Variants in SYN3 observed in about 807,000 individuals in gnomAD.
SYN3 encodes the protein synapsin III.
A neutral mutation model predicts 65.8 loss-of-function variants in SYN3; 35 were observed. That is an observed-to-expected ratio of 0.53 (90% CI 0.41 to 0.70). The LOEUF is 0.70. Among genes scored for constraint, SYN3 ranks in the 30% least tolerant of loss-of-function variants. The pLI is 0.00. For missense variants in SYN3, 680 were observed against 749.0 expected, an observed-to-expected ratio of 0.91 and a Z score of 1.08; for synonymous variants, 270 against 292.9, an observed-to-expected ratio of 0.92 and a Z score of 0.80.
intron 12 of SYN3, among the ~76,000 whole-genome samples, chr22:32,520,137 G>A (rs2057853253): frequency 6.6e-6 from 1 of 152,100 alleles, no homozygotes; most frequent in Non-Finnish European, 1.5e-5. Flanking sequence ...ATATAGGTAT[G>A]TATGTATATA....
chr22:32,639,199 C>T (rs1299223245), intron 6 of SYN3, among the ~76,000 whole-genome samples: 7 of 152,114 alleles, frequency 4.6e-5, no homozygotes, highest in African/African-American at 1.2e-4. Flanking sequence ...CTGATCCACC[C>T]GCCTCGGCCT....
intron 6 of SYN3, among the ~76,000 whole-genome samples, chr22:32,664,059 T>G (rs2060255729): frequency 6.6e-6 from 1 of 152,210 alleles, no homozygotes; most frequent in African/African-American, 2.4e-5. Context: ...CAGAGAACCC[T>G]GCTCTGCTCA....
chr22:32,728,945 G>A (rs532449268), intron 6 of SYN3, among the ~76,000 whole-genome samples: 2 of 152,330 alleles, frequency 1.3e-5, no homozygotes, highest in South Asian at 2.1e-4. Flanking sequence ...GGAAAGCAAT[G>A]TCTGTCTGCA....
chr22:32,818,416 G>A (rs1236082897), intron 6 of SYN3, among the ~76,000 whole-genome samples: 1 of 152,130 alleles, frequency 6.6e-6, no homozygotes, highest in Non-Finnish European at 1.5e-5. Context: ...TCCAGAAAAT[G>A]GGACCCCAGG....
At chr22:32,807,348 AATATATAATATATAATATATATT>A (rs2046774767) in intron 6 of SYN3, among the ~76,000 whole-genome samples, 1 of 33,424 alleles carries the variant, frequency 3.0e-5, no homozygotes, top group Admixed American at 5.2e-4. Flanking sequence ...ATAATATATA[AATATATAATATATAATATATATT>A]ATATATAATA....
At chr22:33,050,784 A>G (rs2054152668) in intron 1 of SYN3, among the ~76,000 whole-genome samples, 1 of 152,156 alleles carries the variant, frequency 6.6e-6, no homozygotes, top group South Asian at 2.1e-4. Flanking sequence ...CAGCCCTGCC[A>G]CTGAGCAAGT....
intron 6 of SYN3, among the ~76,000 whole-genome samples, chr22:32,661,777 A>G (rs1040016567): frequency 3.9e-4 from 60 of 152,164 alleles, no homozygotes; most frequent in African/African-American, 1.4e-3. Context: ...GATCTGGGAG[A>G]AAACTTAGAG....
intron 3 of SYN3, among the ~76,000 whole-genome samples, chr22:32,940,559 C>G (rs956311942): frequency 2.0e-5 from 3 of 151,906 alleles, no homozygotes; most frequent in Admixed American, 2.0e-4. Flanking sequence ...GAGGTAGGAC[C>G]GAAGGTTCAA....
At chr22:33,001,077 C>G (rs1311036126) in intron 2 of SYN3, among the ~76,000 whole-genome samples, 1 of 152,148 alleles carries the variant, frequency 6.6e-6, no homozygotes, top group Admixed American at 6.6e-5. Flanking sequence ...AAGTCTCTGT[C>G]ACAAACATCT....
chr22:33,057,396 C>T (rs561308662), intron 1 of SYN3: 2 of 152,374 alleles, frequency 1.3e-5, no homozygotes, highest in East Asian at 3.9e-4. Context: ...ATCTGATGTG[C>T]TAGGTCAGGA....
chr22:32,812,624 G>A (rs1317311507), intron 6 of SYN3, among the ~76,000 whole-genome samples: 4 of 152,220 alleles, frequency 2.6e-5, no homozygotes, highest in Non-Finnish European at 4.4e-5. Context: ...TACCTGAGCA[G>A]TGCCTCACTC....
chr22:32,822,261 T>C (rs773829105), intron 6 of SYN3, among the ~76,000 whole-genome samples: 12 of 152,050 alleles, frequency 7.9e-5, no homozygotes, highest in Non-Finnish European at 1.3e-4. Context: ...TCGCTGTCTC[T>C]GGGTATGTTC....
At chr22:32,862,234 G>C (rs767798859) in intron 6 of SYN3, 7 of 152,194 alleles carry the variant, frequency 4.6e-5, no homozygotes, top group Non-Finnish European at 8.8e-5. Context: ...GGCCATGGGA[G>C]ATACAATTCC....
rs2048770935 is a variant in SYN3, at chr22:32,869,139, C to T, written c.462-14G>A. 6.2e-6 allele frequency: 10 copies of T among 1,610,414 alleles called. No individual in the cohort carries two copies. The highest frequency in any genetic ancestry group is 7.6e-6 in the Non-Finnish European group (9 of 1,177,634). ...TTGAAGGATCTGCTGAGAAAGCCAA[C>T]AGCAGTGTTACCACACTGGGACATT... On this transcript the variant is annotated splice_polypyrimidine_tract_variant and intron_variant, in intron 4 of 13. Transcript: ENST00000358763.
chr22:32,801,933 C>T lies in SYN3; in HGVS notation c.711+62982G>A. On this transcript the variant is annotated intron_variant, in intron 6 of 13. Transcript: ENST00000358763. This position sits in a 1 kb window ranked among gnomAD's most constrained non-coding sequence, Gnocchi z 4.7. ...CGAGCGAGCTCGGGCTGCAGCAGCC[C>T]CGCCGGCGGCGCGCACGGCAACTTT... The T allele has an allele frequency of 6.6e-7, 1 of 1,515,010 alleles. No individual in the cohort carries two copies. 93.8% of individuals were successfully genotyped at this position (1,515,010 alleles called of 1,614,324 possible). A position where few individuals can be genotyped will look rare whatever the true frequency, so the allele number is the denominator to read the frequency against.
At chr22:32,692,437 G>A (rs2060677812) in intron 6 of SYN3, among the ~76,000 whole-genome samples, 1 of 152,148 alleles carries the variant, frequency 6.6e-6, no homozygotes, top group South Asian at 2.1e-4. Flanking sequence ...GCTTTATTCT[G>A]CATCATTTCT....
At chr22:33,054,485 A>G (rs541941391) in intron 1 of SYN3, among the ~76,000 whole-genome samples, 1 of 152,330 alleles carries the variant, frequency 6.6e-6, no homozygotes, top group South Asian at 2.1e-4. Context: ...ATGATGTACA[A>G]ACTGTCGCCT....
chr22:32,865,006 T>C lies in SYN3; in HGVS notation c.622-2A>G. Reference sequence around the variant, plus strand: ...GAAGATCTTAATGAGCTGAGAGAACTAGGATAGAAGAGGAGAGAACATTGA... The same window carrying C: ...GAAGATCTTAATGAGCTGAGAGAACCAGGATAGAAGAGGAGAGAACATTGA... On this transcript the variant is annotated splice_acceptor_variant, in intron 5 of 13. Transcript: ENST00000358763. LOFTEE classifies it high-confidence loss of function. The C allele has an allele frequency of 6.2e-7, 1 of 1,611,764 alleles. No homozygotes were observed. Among genetic ancestry groups the C allele is most frequent in the Non-Finnish European group, 8.5e-7 (1 of 1,177,866 alleles).
chr22:32,601,520 A>G (rs902484744), intron 6 of SYN3, among the ~76,000 whole-genome samples: 6 of 152,126 alleles, frequency 3.9e-5, no homozygotes, highest in Non-Finnish European at 7.4e-5. Context: ...CTCGTGATCC[A>G]CCCGCCTTGG....
Sources: allele counts gnomAD v4.1 joint callset (sites outside exome capture counted in the v4.1 genomes callset), GRCh38; gene constraint gnomAD v4.1.1; non-coding constraint Gnocchi (gnomAD v3.1); transcripts MANE v1.5; gene names NCBI Gene and HGNC (gene_info 2026-07-23, HGNC 2026-07-21).